The following NSMCE2 variants were observed in gnomAD, a reference collection of about 807,000 sequenced individuals.
The protein encoded by NSMCE2 is NSE2 SUMO ligase component of SMC5/6 complex.
Under a neutral mutation model 23.8 loss-of-function variants are expected in NSMCE2, and 24 were observed. That is an observed-to-expected ratio of 1.01 (90% confidence interval 0.73 to 1.42). The LOEUF (loss-of-function observed/expected upper bound fraction) is 1.42, where lower values mean the gene tolerates loss of function less well. Ranked by LOEUF, NSMCE2 falls within the 40% of genes most tolerant of loss-of-function variation. NSMCE2 has a pLI of 0.00. For missense variants in NSMCE2, 284 were observed against 296.5 expected (o/e 0.96, Z 0.31); for synonymous variants, 92 against 94.1 (o/e 0.98, Z 0.13).
chr8:125,298,878 T>C (rs1049628175), intron 5 of NSMCE2, among the ~76,000 whole-genome samples: 4 of 152,092 alleles, frequency 2.6e-5, no homozygotes, highest in Non-Finnish European at 5.9e-5. Context: ...AGTGTTAGTA[T>C]TGATGGGATT....
chr8:125,259,513 C>T (rs912719512), intron 5 of NSMCE2, among the ~76,000 whole-genome samples: 1 of 152,148 alleles, frequency 6.6e-6, no homozygotes, highest in Non-Finnish European at 1.5e-5. Flanking sequence ...TCGTGTCCTC[C>T]CTACCCCTGC....
chr8:125,104,284 C>T (rs1818347337), intron 3 of NSMCE2, among the ~76,000 whole-genome samples: 2 of 152,130 alleles, frequency 1.3e-5, no homozygotes, highest in Non-Finnish European at 2.9e-5. Context: ...GCCTCCATGC[C>T]CAGCTTGTTG....
chr8:125,098,700 G>A (rs1818048830), intron 1 of NSMCE2, among the ~76,000 whole-genome samples: 2 of 151,966 alleles, frequency 1.3e-5, no homozygotes, highest in African/African-American at 2.4e-5. Flanking sequence ...AGGAGGAGAA[G>A]GATCAAGTAT....
At chr8:125,122,171 CCAA>C (rs1273028648) in intron 3 of NSMCE2, among the ~76,000 whole-genome samples, 13,502 of 86,224 alleles carry the variant, frequency 0.16, 906 homozygotes, top group African/African-American at 0.3. Context: ...TCTGGCTGAG[CCAA>C]AAAAAAAAAA....
intron 3 of NSMCE2, among the ~76,000 whole-genome samples, chr8:125,124,472 C>T (rs1038733949): frequency 2.8e-5 from 4 of 144,634 alleles, no homozygotes; most frequent in African/African-American, 5.1e-5. Context: ...CTCAGGATTT[C>T]TCTCTCTCTC....
intron 5 of NSMCE2, among the ~76,000 whole-genome samples, chr8:125,251,593 A>T (rs1826199915): frequency 1.3e-5 from 2 of 152,210 alleles, no homozygotes; most frequent in African/African-American, 4.8e-5. Context: ...TGACTTTTCC[A>T]AGTTTCCAGC....
intron 5 of NSMCE2, among the ~76,000 whole-genome samples, chr8:125,268,290 AGAAAG>A (rs1827029314): frequency 6.6e-6 from 1 of 152,144 alleles, no homozygotes; most frequent in African/African-American, 2.4e-5. Context: ...TAGTGAAATT[AGAAAG>A]GAAAGGAAAG....
chr8:125,248,615 T>C (rs956657531), intron 5 of NSMCE2, among the ~76,000 whole-genome samples: 4 of 151,870 alleles, frequency 2.6e-5, no homozygotes, highest in Non-Finnish European at 4.4e-5. Context: ...ATCACACCAC[T>C]GCACTCCAGC....
intron 5 of NSMCE2, among the ~76,000 whole-genome samples, chr8:125,185,824 T>C (rs1041660699): frequency 3.9e-5 from 6 of 152,242 alleles, no homozygotes; most frequent in African/African-American, 1.4e-4. Flanking sequence ...TGGCATTCTT[T>C]TACATTTTTG....
At chr8:125,127,223 T>A (rs930850905) in intron 3 of NSMCE2, among the ~76,000 whole-genome samples, 1 of 152,218 alleles carries the variant, frequency 6.6e-6, no homozygotes, top group Non-Finnish European at 1.5e-5. Flanking sequence ...AGCCTGTAAA[T>A]GCTTGCTTTG....
intron 5 of NSMCE2, among the ~76,000 whole-genome samples, chr8:125,325,641 C>A (rs1351819092): frequency 6.6e-6 from 1 of 152,146 alleles, no homozygotes; most frequent in Non-Finnish European, 1.5e-5. Flanking sequence ...GCCACTGTGC[C>A]TGGCTTAAGC....
intron 5 of NSMCE2, among the ~76,000 whole-genome samples, chr8:125,230,488 G>T (rs1321875225): frequency 2.0e-5 from 3 of 152,062 alleles, no homozygotes; most frequent in Non-Finnish European, 4.4e-5. Context: ...ACATCCCTTG[G>T]GGAAGTGGGA....
At chr8:125,193,102 G>A (rs956277229) in intron 5 of NSMCE2, among the ~76,000 whole-genome samples, 5 of 152,098 alleles carry the variant, frequency 3.3e-5, no homozygotes, top group Admixed American at 2.0e-4. Flanking sequence ...ATGATGTGAG[G>A]AGTTTTAATA....
intron 5 of NSMCE2, among the ~76,000 whole-genome samples, chr8:125,325,827 C>A (rs1829642267): frequency 6.6e-6 from 1 of 152,156 alleles, no homozygotes; most frequent in Admixed American, 6.6e-5. Flanking sequence ...TGGCGGGCAC[C>A]TGTCATCCCA....
chr8:125,107,257 G>A (rs187602172), intron 3 of NSMCE2, among the ~76,000 whole-genome samples: 1 of 145,642 alleles, frequency 6.9e-6, no homozygotes, highest in Non-Finnish European at 1.5e-5. Flanking sequence ...CACGATCTTG[G>A]CTCACTGCAA....
rs1250107017 is a variant in NSMCE2, at chr8:125,342,606, A to G, written c.419-14613A>G. On this transcript the variant is annotated intron_variant, in intron 5 of 7. Transcript: ENST00000287437. ...CTCTGCAGAAATAAAGATTTTCCTCATCTTTTAGCTCCTTCCTTCCCTCCT... is the reference window on the plus strand; with the variant it reads ...CTCTGCAGAAATAAAGATTTTCCTCGTCTTTTAGCTCCTTCCTTCCCTCCT... 2.6e-5 allele frequency among the ~76,000 whole-genome samples: 4 copies of G among 152,028 alleles called. No homozygotes were observed. In the East Asian group the frequency reaches 7.7e-4, roughly 29 times the overall value.
intron 5 of NSMCE2, among the ~76,000 whole-genome samples, chr8:125,232,591 A>C (rs1373388403): frequency 2.6e-5 from 4 of 152,150 alleles, no homozygotes; most frequent in South Asian, 2.1e-4. Flanking sequence ...TTAGGTAAGA[A>C]GGAAATTATG....
At chr8:125,282,954 C>G (rs550668596) in intron 5 of NSMCE2, among the ~76,000 whole-genome samples, 1 of 152,182 alleles carries the variant, frequency 6.6e-6, no homozygotes, top group African/African-American at 2.4e-5. Context: ...GGAAGGTAGT[C>G]TAGCATAATT....
At chr8:125,291,543 A>G (rs1312109891) in intron 5 of NSMCE2, among the ~76,000 whole-genome samples, 1 of 152,200 alleles carries the variant, frequency 6.6e-6, no homozygotes, top group Non-Finnish European at 1.5e-5. Flanking sequence ...TAAGATTACA[A>G]ATCACACAAT....
Sources: allele counts gnomAD v4.1 joint callset (sites outside exome capture counted in the v4.1 genomes callset), GRCh38; gene constraint gnomAD v4.1.1; transcripts MANE v1.5; gene names NCBI Gene and HGNC (gene_info 2026-07-23, HGNC 2026-07-21).